Variants in MAOB observed in about 807,000 individuals in gnomAD.
MAOB encodes the protein amine oxidase [flavin-containing] B.
Under a neutral mutation model 41.9 loss-of-function variants are expected in MAOB, and 15 were observed. The observed-to-expected ratio is 0.36, with a 90% confidence interval of 0.24 to 0.55. The LOEUF is 0.55. Ranked by LOEUF, MAOB falls within the 20% of genes least tolerant of loss-of-function variation. The probability of loss-of-function intolerance (pLI) is 0.86; values close to 1 mark genes in which losing one functional copy is unlikely to be tolerated. For synonymous variants in MAOB, 167 were observed against 144.2 expected (o/e 1.16, Z -1.13); for missense variants, 345 against 398.7 (o/e 0.87, Z 1.15).
intron 3 of MAOB, among the ~76,000 whole-genome samples, chrX:43,822,037 G>A (rs1157278314): frequency 8.9e-6 from 1 of 112,043 alleles, no homozygotes; most frequent in African/African-American, 3.2e-5. Flanking sequence ...TCTCTACAGA[G>A]AGAGCCTTAT....
chrX:43,801,928 G>T (rs1373093489), intron 5 of MAOB, among the ~76,000 whole-genome samples: 1 of 112,735 alleles, frequency 8.9e-6, no homozygotes, highest in Non-Finnish European at 1.9e-5. Flanking sequence ...GTACCTTCTG[G>T]TCTGTTCTGA....
chrX:43,806,655 A>G (rs943789463), intron 3 of MAOB, among the ~76,000 whole-genome samples: 1 of 111,343 alleles, frequency 9.0e-6, no homozygotes, highest in Non-Finnish European at 1.9e-5. Context: ...CATCCTCAAG[A>G]GGGGATGGTG....
Position 43,823,034 on chromosome X carries a change from T to A in MAOB, c.279+15834A>T, listed in dbSNP as rs765684986. On this transcript the variant is annotated intron_variant, in intron 3 of 14. Coordinates refer to ENST00000378069, the MANE Select transcript of MAOB (RefSeq NM_000898.5). The stretch of plus-strand genomic sequence containing the variant: ...GTATTATTATTTTCATTTTTTAGAT[T>A]AAGAAACAGAGGCACAGAGAGGTTA... Among the ~76,000 whole-genome samples, 5 of 110,920 alleles carry A rather than the reference T, an allele frequency of 4.5e-5. No individual in the cohort carries two copies. In the East Asian group the frequency reaches 1.4e-3, roughly 31 times the overall value.
At chrX:43,877,349 G>A (rs1416374338) in intron 1 of MAOB, among the ~76,000 whole-genome samples, 1 of 110,139 alleles carries the variant, frequency 9.1e-6, no homozygotes. Flanking sequence ...AGGACACATG[G>A]GGGCCTAGAA....
chrX:43,879,457 C>T (rs1440770190), intron 1 of MAOB, among the ~76,000 whole-genome samples: 2 of 111,543 alleles, frequency 1.8e-5, no homozygotes, highest in East Asian at 2.8e-4. Flanking sequence ...CCTACTAATT[C>T]GAAAATTCTA....
At chrX:43,803,545 G>A (rs1485485149) in intron 3 of MAOB, 141 bp from the exon 4 acceptor site, 1 of 867,532 alleles carries the variant, frequency 1.2e-6, no homozygotes, top group African/African-American at 2.1e-5. Flanking sequence ...AGCTCCTTGT[G>A]TCCTCAGAAC....
intron 1 of MAOB, among the ~76,000 whole-genome samples, chrX:43,863,995 C>G (rs2035349752): frequency 9.0e-6 from 1 of 111,493 alleles, no homozygotes; most frequent in South Asian, 3.7e-4. Context: ...TATTAGATTA[C>G]AGTGTAAATC....
intron 1 of MAOB, among the ~76,000 whole-genome samples, chrX:43,859,574 T>A (rs976794373): frequency 1.8e-5 from 2 of 111,706 alleles, no homozygotes; most frequent in Non-Finnish European, 3.8e-5. Flanking sequence ...AACCCGCCTA[T>A]ACACACACCT....
At chrX:43,803,703 C>A (rs888336182) in intron 3 of MAOB, among the ~76,000 whole-genome samples, 140 of 111,933 alleles carry the variant, frequency 1.3e-3, no homozygotes, top group African/African-American at 4.2e-3. Context: ...GTGGAGTTAA[C>A]CTAAGGAAAT....
intron 3 of MAOB, among the ~76,000 whole-genome samples, chrX:43,825,188 G>A (rs765952216): frequency 9.0e-6 from 1 of 111,469 alleles, no homozygotes; most frequent in African/African-American, 3.3e-5. Context: ...AAAATCTACA[G>A]GTGAGAGTTT....
At chrX:43,768,787 A>T (rs750665131) in intron 13 of MAOB, 71 bp from the exon 14 acceptor site, 69 of 861,161 alleles carry the variant, frequency 8.0e-5, no homozygotes, top group Non-Finnish European at 1.1e-4. Context: ...TCCCTAAAGG[A>T]CTAAGTAACT....
intron 12 of MAOB, among the ~76,000 whole-genome samples, chrX:43,773,344 T>G (rs1488959008): frequency 8.9e-6 from 1 of 112,070 alleles, no homozygotes; most frequent in Non-Finnish European, 1.9e-5. Context: ...TCCTTTATCC[T>G]TATTCCCTTC....
At chrX:43,836,390 T>C (rs1185904005) in intron 3 of MAOB, among the ~76,000 whole-genome samples, 1 of 112,566 alleles carries the variant, frequency 8.9e-6, no homozygotes, top group African/African-American at 3.2e-5. Context: ...TTCGTCATTA[T>C]GTATTATCAT....
chrX:43,790,459 C>T (rs147454301), intron 8 of MAOB, among the ~76,000 whole-genome samples: 2,354 of 112,126 alleles, frequency 0.021, 60 homozygotes, highest in African/African-American at 0.072. Context: ...AGGAAAAGTG[C>T]CTTTGAATTC....
At chrX:43,791,554 G>A (rs933225190) in intron 8 of MAOB, among the ~76,000 whole-genome samples, 2 of 111,367 alleles carry the variant, frequency 1.8e-5, no homozygotes, top group Admixed American at 9.6e-5. Flanking sequence ...TCAGGAGATC[G>A]AGACCATCCT....
At position 43,882,234 on chromosome X, in the gene MAOB, G is replaced by A. The variant is rs2035478000; in HGVS notation, c.46+20C>T. On this transcript the variant is annotated intron_variant, in intron 1 of 14. Coordinates refer to ENST00000378069, the MANE Select transcript of MAOB (RefSeq NM_000898.5). ...GTCCGAGCGCGTGAAGAGGAAGGAG[G>A]GCGCACAGCCGCGACTAACCTGAGA... 1 of 1,208,497 alleles carries A rather than the reference G, an allele frequency of 8.3e-7. No individual in the cohort carries two copies. The highest frequency in any genetic ancestry group is 1.7e-5 in the African/African-American group (1 of 57,774).
At chrX:43,845,732 A>G (rs1428504670) in intron 1 of MAOB, among the ~76,000 whole-genome samples, 1 of 112,769 alleles carries the variant, frequency 8.9e-6, no homozygotes, top group Non-Finnish European at 1.9e-5. Context: ...TTTTTAAGAC[A>G]CACTTATATG....
At chrX:43,771,595 G>A (rs189821646) in intron 12 of MAOB, among the ~76,000 whole-genome samples, 24 of 110,297 alleles carry the variant, frequency 2.2e-4, no homozygotes, top group Admixed American at 8.7e-4. Flanking sequence ...GACTTTCCCC[G>A]TGTTGATTAA....
chrX:43,881,813 C>T (rs762342972), intron 1 of MAOB, among the ~76,000 whole-genome samples: 1 of 112,613 alleles, frequency 8.9e-6, no homozygotes, highest in East Asian at 2.8e-4. Context: ...GCTCCAACCT[C>T]TTCTGTTCAA....
Sources: allele counts gnomAD v4.1 joint callset (sites outside exome capture counted in the v4.1 genomes callset), GRCh38; gene constraint gnomAD v4.1.1; transcripts MANE v1.5; gene names NCBI Gene and HGNC (gene_info 2026-07-23, HGNC 2026-07-21).